TMPRSS7: variants seen among roughly 807,000 people sequenced by gnomAD.
TMPRSS7 encodes transmembrane serine protease 7.
TMPRSS7 carries 81 observed loss-of-function variants against 95.6 expected under a neutral mutation model. That is an observed-to-expected ratio of 0.85 (90% confidence interval 0.71 to 1.02). The LOEUF is 1.02. TMPRSS7 is among the 50% of genes least tolerant of loss of function. The probability of loss-of-function intolerance (pLI) is 0.00; values close to 1 mark genes in which losing one functional copy is unlikely to be tolerated. For synonymous variants in TMPRSS7, 364 were observed against 337.8 expected, an observed-to-expected ratio of 1.08 and a Z score of -0.85; for missense variants, 945 against 955.2, an observed-to-expected ratio of 0.99 and a Z score of 0.14.
chr3:112,068,444 TC>T (rs1035708883), intron 13 of TMPRSS7, among the ~76,000 whole-genome samples: 11 of 152,370 alleles, frequency 7.2e-5, no homozygotes, highest in Non-Finnish European at 1.3e-4. Flanking sequence ...TATGGATTCT[TC>T]CTATCCATGA....
exon 5 of TMPRSS7, chr3:112,045,915 T>G (rs2073273285): frequency 2.6e-6 from 4 of 1,551,814 alleles, no homozygotes; most frequent in Non-Finnish European, 3.5e-6. Flanking sequence ...AGGGACTGGC[T>G]GTGGACATGG....
intron 7 of TMPRSS7, among the ~76,000 whole-genome samples, chr3:112,048,881 C>T (rs2073312173): frequency 6.6e-6 from 1 of 152,184 alleles, no homozygotes; most frequent in Admixed American, 6.5e-5. Context: ...ATTATTACTA[C>T]TGAGGCAGGA....
rs573163699 is a variant in TMPRSS7 at position 112,061,957 on chromosome 3, A to G, written c.1447+34A>G. On this transcript the variant is annotated intron_variant, in intron 11 of 17. Transcript: ENST00000452346. ...AGGATCACCTCCTTAGGAAAACTTA[A>G]TACTTACATAGAGGATAACATTTTA... 6 of 1,556,700 alleles carry G rather than the reference A, an allele frequency of 3.9e-6. No homozygotes were observed. In the African/African-American group the frequency reaches 8.2e-5, roughly 21 times the overall value.
At chr3:112,063,617 G>T in exon 12 of TMPRSS7, 1 of 1,613,978 alleles carries the variant, frequency 6.2e-7, no homozygotes. Flanking sequence ...TGATGAAAGT[G>T]ATGAACTGTT....
At chr3:112,059,702 T>C (rs1174865550) in intron 10 of TMPRSS7, among the ~76,000 whole-genome samples, 1 of 152,214 alleles carries the variant, frequency 6.6e-6, no homozygotes, top group Non-Finnish European at 1.5e-5. Flanking sequence ...ACTTGCCATC[T>C]CTTCCTCATA....
intron 7 of TMPRSS7, among the ~76,000 whole-genome samples, chr3:112,049,609 G>A (rs975776456): frequency 1.3e-5 from 2 of 152,154 alleles, no homozygotes; most frequent in Non-Finnish European, 2.9e-5. Flanking sequence ...TACAGTGACA[G>A]CCATCCCAGA....
intron 13 of TMPRSS7, among the ~76,000 whole-genome samples, chr3:112,070,905 C>T (rs1363751926): frequency 2.0e-5 from 3 of 152,182 alleles, no homozygotes; most frequent in Non-Finnish European, 4.4e-5. Flanking sequence ...ATCCAGTTTG[C>T]CAGTCTGTGT....
At chr3:112,064,423 A>G (rs1250146793) in intron 12 of TMPRSS7, among the ~76,000 whole-genome samples, 1 of 151,876 alleles carries the variant, frequency 6.6e-6, no homozygotes, top group Non-Finnish European at 1.5e-5. Flanking sequence ...ATCACAGCTC[A>G]CTGCAGTCTT....
At chr3:112,073,480 T>C (rs942381398) in intron 13 of TMPRSS7, among the ~76,000 whole-genome samples, 4 of 152,198 alleles carry the variant, frequency 2.6e-5, no homozygotes, top group African/African-American at 9.6e-5. Flanking sequence ...TGCATTTCTC[T>C]GATGACCAGT....
At chr3:112,036,091 C>T (rs1559949791) in intron 1 of TMPRSS7, among the ~76,000 whole-genome samples, 1 of 152,136 alleles carries the variant, frequency 6.6e-6, no homozygotes, top group Non-Finnish European at 1.5e-5. Context: ...ACAATCTATG[C>T]AAATTATCAT....
chr3:112,051,625 C>CATCTATCTATCTATCT (rs10546402), intron 9 of TMPRSS7, among the ~76,000 whole-genome samples: 3 of 142,456 alleles, frequency 2.1e-5, no homozygotes, highest in African/African-American at 8.0e-5. Flanking sequence ...CTATCTCTAT[C>CATCTATCTATCTATCT]ATCTATCTAT....
At chr3:112,061,151 C>T (rs1201265804) in intron 10 of TMPRSS7, among the ~76,000 whole-genome samples, 2 of 152,116 alleles carry the variant, frequency 1.3e-5, no homozygotes, top group South Asian at 2.1e-4. Context: ...GTATGCTATG[C>T]TCCACTAACC....
At chr3:112,042,376 A>G (rs2073219566) in intron 3 of TMPRSS7, among the ~76,000 whole-genome samples, 1 of 152,212 alleles carries the variant, frequency 6.6e-6, no homozygotes, top group Non-Finnish European at 1.5e-5. Flanking sequence ...ATACCGATTA[A>G]TTCCATTATT....
At chr3:112,070,711 C>G (rs929936689) in intron 13 of TMPRSS7, among the ~76,000 whole-genome samples, 1 of 152,138 alleles carries the variant, frequency 6.6e-6, no homozygotes, top group African/African-American at 2.4e-5. Flanking sequence ...TTATTTTGAG[C>G]CTATGTCTGT....
chr3:112,041,635 T>A (rs1436626909), intron 2 of TMPRSS7, among the ~76,000 whole-genome samples: 2 of 152,144 alleles, frequency 1.3e-5, no homozygotes, highest in Admixed American at 6.6e-5. Flanking sequence ...GCAGGGTATA[T>A]ATGGGCCACA....
chr3:112,035,462 G>A (rs1271911828), intron 1 of TMPRSS7, among the ~76,000 whole-genome samples: 1 of 152,180 alleles, frequency 6.6e-6, no homozygotes, highest in Non-Finnish European at 1.5e-5. Flanking sequence ...AAGGGGCCAT[G>A]AATAATTCAG....
intron 9 of TMPRSS7, among the ~76,000 whole-genome samples, chr3:112,054,729 C>CTTTTGTTTTTTTTTTTTT (rs2073409469): frequency 2.0e-5 from 1 of 49,010 alleles, no homozygotes; most frequent in Non-Finnish European, 3.5e-5. Flanking sequence ...TCTCAGTTTG[C>CTTTTGTTTTTTTTTTTTT]TTTTTTTTTT....
chr3:112,046,602 T>C (rs1477695618), intron 5 of TMPRSS7, among the ~76,000 whole-genome samples: 2 of 152,214 alleles, frequency 1.3e-5, no homozygotes, highest in Admixed American at 6.6e-5. Flanking sequence ...AAAAATCTCA[T>C]AGAAAATTCT....
At position 112,078,764 on chromosome 3, in the gene TMPRSS7, G is replaced by A. The variant is rs760747696; in HGVS notation, c.2247G>A (p.Leu749=). 9 of 1,614,046 alleles carry A rather than the reference G, an allele frequency of 5.6e-6. No individual in the cohort carries two copies. The East Asian group carries it at 1.8e-4, about 32-fold the overall frequency. Residue 749 remains leucine, a synonymous_variant, in exon 17 of 18, where the codon CTG becomes CTA. Coordinates refer to ENST00000452346, the Ensembl canonical transcript of TMPRSS7. Reference sequence around the variant, plus strand: ...CAGATAATAAAGGCTCCCTCGTTCTGCAGCAAGCGGAGGTAGAGCTCATTG... The same window carrying A: ...CAGATAATAAAGGCTCCCTCGTTCTACAGCAAGCGGAGGTAGAGCTCATTG...
Sources: gnomAD v4.1 joint callset for allele counts (sites outside exome capture counted in the v4.1 genomes callset) on GRCh38, gnomAD v4.1.1 for gene constraint, MANE v1.5 for transcripts, NCBI Gene and HGNC (gene_info 2026-07-23, HGNC 2026-07-21) for gene names.